The following CDKN2D variants were observed in gnomAD, a reference collection of about 807,000 sequenced individuals.
CDKN2D encodes cyclin-dependent kinase 4 inhibitor D.
In CDKN2D, 3 loss-of-function variants were observed where a neutral mutation model predicts 4.7. That is an observed-to-expected ratio of 0.64 (90% confidence interval 0.29 to 1.66). The LOEUF is 1.66. CDKN2D is among the 40% of genes most tolerant of loss of function. The probability of loss-of-function intolerance (pLI) is 0.10; values close to 1 mark genes in which losing one functional copy is unlikely to be tolerated. For missense variants in CDKN2D, 196 were observed against 230.9 expected, an observed-to-expected ratio of 0.85 and a Z score of 0.98; for synonymous variants, 91 against 102.3, an observed-to-expected ratio of 0.89 and a Z score of 0.67.
rs754553087 is a variant in CDKN2D, at chr19:10,568,667, G to T, written c.-14C>A. 2 of 1,433,900 alleles carry T rather than the reference G, an allele frequency of 1.4e-6. No individual in the cohort carries two copies. Among genetic ancestry groups the T allele is most frequent in the Non-Finnish European group, 9.1e-7 (1 of 1,094,786 alleles). The allele number at this position is 1,433,900 out of a possible 1,614,324, so 88.8% of individuals were successfully genotyped here. On this transcript the variant is annotated 5_prime_UTR_variant, in exon 1 of 2. Coordinates refer to ENST00000393599, the MANE Select transcript of CDKN2D (RefSeq NM_001800.4). The stretch of plus-strand genomic sequence containing the variant: ...CTCCAGCAGCATGTCGACACTGGCG[G>T]CCTGCAAAGCCCCCCGCCCCGCCCC...
At position 10,568,842 on chromosome 19, in the gene CDKN2D, C is replaced by T. The variant is rs535696307; in HGVS notation, c.-189G>A. ...CCTCCCGGCGGGCTCCTCCCCCTGT[C>T]AGCCGGAGGACGGCGAGGGGCTGGG... On this transcript the variant is annotated 5_prime_UTR_variant, in exon 1 of 2. Coordinates refer to ENST00000393599, the MANE Select transcript of CDKN2D (RefSeq NM_001800.4). 8.7e-5 allele frequency: 29 copies of T among 334,050 alleles called. 1 individual carries two copies. The South Asian group carries it at 3.6e-3, about 41-fold the overall frequency. 20.7% of individuals were successfully genotyped at this position (334,050 alleles called of 1,614,324 possible).
rs1916978539 is a variant in CDKN2D at position 10,568,848 on chromosome 19, G to A, written c.-195C>T. ...GGCGGGCTCCTCCCCCTGTCAGCCG[G>A]AGGACGGCGAGGGGCTGGGAGCCGG... On this transcript the variant is annotated 5_prime_UTR_variant, in exon 1 of 2. Transcript: ENST00000393599. 2 of 317,860 alleles carry A rather than the reference G, an allele frequency of 6.3e-6. No homozygotes were observed. Among genetic ancestry groups the A allele is most frequent in the Non-Finnish European group, 1.1e-5 (2 of 177,868 alleles). 19.7% of individuals were successfully genotyped at this position (317,860 alleles called of 1,614,324 possible).
rs3218218 is a variant in CDKN2D at position 10,566,725 on chromosome 19, C to T, written c.*333G>A. On this transcript the variant is annotated 3_prime_UTR_variant, in exon 2 of 2. Transcript: ENST00000393599. ...CCGGCCAAGGCCACCAGCTTCTAGG[C>T]TCCCTGGAGGTCATGACTTCACTCT... 1.2e-3 allele frequency: 409 copies of T among 331,570 alleles called. 2 individuals carry two copies. Among genetic ancestry groups the T allele is most frequent in the South Asian group, 3.4e-3 (69 of 20,390 alleles). 20.5% of individuals were successfully genotyped at this position (331,570 alleles called of 1,614,324 possible).
chr19:10,567,591 G>A (rs868581656), intron 1 of CDKN2D, among the ~76,000 whole-genome samples, 174 bp from the exon 2 acceptor site: 2 of 150,892 alleles, frequency 1.3e-5, no homozygotes, highest in Non-Finnish European at 3.0e-5. Flanking sequence ...AGTTCTTCTG[G>A]GAATAGGGAC....
rs1490244128 is a variant in CDKN2D at position 10,568,493 on chromosome 19, C to A, written c.141+20G>T. On this transcript the variant is annotated intron_variant, in intron 1 of 1. Coordinates refer to ENST00000393599, the MANE Select transcript of CDKN2D (RefSeq NM_001800.4). ...TCCCGCTTAGCCGCCCCGCCCCAAC[C>A]TGGACCGGCCCGGCCTCACCTGCAG... 2.9e-6 allele frequency: 4 copies of A among 1,360,020 alleles called. No individual in the cohort carries two copies. Among genetic ancestry groups the A allele is most frequent in the Non-Finnish European group, 3.8e-6 (4 of 1,050,814 alleles). 84.2% of individuals were successfully genotyped at this position (1,360,020 alleles called of 1,614,324 possible).
Position 10,568,839 on chromosome 19 carries a change from T to G in CDKN2D, c.-186A>C. On this transcript the variant is annotated 5_prime_UTR_variant, in exon 1 of 2. Coordinates refer to ENST00000393599, the MANE Select transcript of CDKN2D (RefSeq NM_001800.4). ...GGCCCTCCCGGCGGGCTCCTCCCCC[T>G]GTCAGCCGGAGGACGGCGAGGGGCT... The G allele has an allele frequency of 3.1e-6, 1 of 327,194 alleles. No individual in the cohort carries two copies. Among genetic ancestry groups the G allele is most frequent in the Non-Finnish European group, 5.4e-6 (1 of 186,866 alleles). The allele number at this position is 327,194 out of a possible 1,614,324, so 20.3% of individuals were successfully genotyped here. A position where few individuals can be genotyped will look rare whatever the true frequency, so the allele number is the denominator to read the frequency against.
At position 10,568,623 on chromosome 19, in the gene CDKN2D, G is replaced by A. The variant is rs1916969837; in HGVS notation, c.31C>T (p.Arg11Trp). The A allele has an allele frequency of 2.0e-6, 3 of 1,508,432 alleles. No homozygotes were observed. The highest frequency in any genetic ancestry group is 2.5e-5 in the South Asian group (2 of 81,122). 93.4% of individuals were successfully genotyped at this position (1,508,432 alleles called of 1,614,324 possible). The change falls in exon 1 of 2, where the codon CGG (arginine) becomes TGG (tryptophan). Residue 11 changes from arginine to tryptophan, a missense_variant. By Grantham distance (101) the Arg-to-Trp change is moderately radical. Transcript: ENST00000393599. MLLEEVRAGD[R>W]LSGAAARGDV... ...CCCCGGGCCGCCGCCCCACTCAGCCGGTCGCCGGCGCGAACCTCCTCCAGC... is the reference window on the plus strand; with the variant it reads ...CCCCGGGCCGCCGCCCCACTCAGCCAGTCGCCGGCGCGAACCTCCTCCAGC...
At position 10,568,530 on chromosome 19, in the gene CDKN2D, C is replaced by A; in HGVS notation, c.124G>T (p.Gly42Cys). 1 of 1,457,316 alleles carries A rather than the reference C, an allele frequency of 6.9e-7. No individual in the cohort carries two copies. Among genetic ancestry groups the A allele is most frequent in the South Asian group, 1.3e-5 (1 of 75,802 alleles). The allele number at this position is 1,457,316 out of a possible 1,614,324, so 90.3% of individuals were successfully genotyped here. ...GGCCTCACCTGCAGCGCCGTCTTGC[C>A]GAAGCGGTTGAGGGCGTCGGGATGC... is the stretch of plus-strand genomic sequence containing the variant. ...LVHPDALNRF[G>C]KTALQVMMFG... The change falls in exon 1 of 2, where the codon GGC (glycine) becomes TGC (cysteine). Residue 42 changes from glycine (G) to cysteine (C), a missense_variant. Physicochemically the swap from Gly to Cys is radical, Grantham distance 159 (BLOSUM62 -3). Coordinates refer to ENST00000393599, the MANE Select transcript of CDKN2D (RefSeq NM_001800.4).
In CDKN2D at chr19:10,567,091, G is replaced by A; in HGVS notation, c.468C>T (p.Asp156=). 1 of 1,612,838 alleles carries A rather than the reference G, an allele frequency of 6.2e-7. No homozygotes were observed. The change falls in exon 2 of 2, where the codon GAC becomes GAT. Residue 156 remains aspartate, a synonymous_variant. Coordinates refer to ENST00000393599, the MANE Select transcript of CDKN2D (RefSeq NM_001800.4). ...GGGCCACCATGTGGCCCTGCAGGAT[G>A]TCCACGAGGTCCTGAGCCCCTCTCT... ...ALQRGAQDLV[D]ILQGHMVAPL
intron 1 of CDKN2D, among the ~76,000 whole-genome samples, chr19:10,567,679 G>T (rs1204636459): frequency 8.0e-6 from 1 of 124,776 alleles, no homozygotes; most frequent in Non-Finnish European, 1.6e-5. Context: ...AACTTTCAAG[G>T]AACCTAAGAC....
Position 10,568,899 on chromosome 19 carries a change from C to A in CDKN2D, c.-246G>T. ...GCCCAACCCTCGGCCGCCCGCGGGG[C>A]CCTGCCCGGCGCCCGCCCCTTGGGG... On this transcript the variant is annotated 5_prime_UTR_variant, in exon 1 of 2. Transcript: ENST00000393599. 4.2e-6 allele frequency: 1 copy of A among 239,130 alleles called. No homozygotes were observed. Among genetic ancestry groups the A allele is most frequent in the Non-Finnish European group, 8.1e-6 (1 of 123,826 alleles). 14.8% of individuals were successfully genotyped at this position (239,130 alleles called of 1,614,324 possible).
In CDKN2D at chr19:10,566,925, C is replaced by T. The variant is rs571362273; in HGVS notation, c.*133G>A. On this transcript the variant is annotated 3_prime_UTR_variant, in exon 2 of 2. Transcript: ENST00000393599. Reference sequence around the variant, plus strand: ...AACACTCACACCCCCAAAACCAACACCTATAAGCCACAAACTGTGCTCCTC... The same window carrying T: ...AACACTCACACCCCCAAAACCAACATCTATAAGCCACAAACTGTGCTCCTC... 3 of 928,776 alleles carry T rather than the reference C, an allele frequency of 3.2e-6. No homozygotes were observed. Among genetic ancestry groups the T allele is most frequent in the East Asian group, 2.5e-5 (1 of 40,812 alleles). 57.5% of individuals were successfully genotyped at this position (928,776 alleles called of 1,614,324 possible).
chr19:10,567,607 C>G (rs1444259821), intron 1 of CDKN2D, among the ~76,000 whole-genome samples, 190 bp from the exon 2 acceptor site: 1 of 121,382 alleles, frequency 8.2e-6, no homozygotes, highest in Non-Finnish European at 1.7e-5. Context: ...GGGACCCCCC[C>G]CAAAAGCTGG....
At chr19:10,568,336 GC>G (rs1313493646) in intron 1 of CDKN2D, among the ~76,000 whole-genome samples, 176 bp downstream of exon 1, 2 of 152,136 alleles carry the variant, frequency 1.3e-5, no homozygotes, top group Non-Finnish European at 2.9e-5. Context: ...CCACAACCTA[GC>G]CTCACCCACC....
At position 10,568,758 on chromosome 19, in the gene CDKN2D, C is replaced by T; in HGVS notation, c.-105G>A. ...CCCGAACAGCCCTCCCGGGGCGCGGCCGCGGTGCACCCGGCTGCGCTGCTC... is the reference window on the plus strand; with the variant it reads ...CCCGAACAGCCCTCCCGGGGCGCGGTCGCGGTGCACCCGGCTGCGCTGCTC... On this transcript the variant is annotated 5_prime_UTR_variant, in exon 1 of 2. Transcript: ENST00000393599. 1 of 730,136 alleles carries T rather than the reference C, an allele frequency of 1.4e-6. No homozygotes were observed. The highest frequency in any genetic ancestry group is 1.9e-6 in the Non-Finnish European group (1 of 538,096). 45.2% of individuals were successfully genotyped at this position (730,136 alleles called of 1,614,324 possible).
In CDKN2D at chr19:10,567,082, C is replaced by T; in HGVS notation, c.477G>A (p.Gln159=). 1.2e-6 allele frequency: 2 copies of T among 1,612,032 alleles called. No homozygotes were observed. Among genetic ancestry groups the T allele is most frequent in the Non-Finnish European group, 1.7e-6 (2 of 1,179,502 alleles). ...RGAQDLVDIL[Q]GHMVAPL ...ATCACAGCGGGGCCACCATGTGGCC[C>T]TGCAGGATGTCCACGAGGTCCTGAG... Residue 159 remains glutamine, a synonymous_variant, in exon 2 of 2, where the codon CAG becomes CAA. Coordinates refer to ENST00000393599, the MANE Select transcript of CDKN2D (RefSeq NM_001800.4).
At position 10,568,556 on chromosome 19, in the gene CDKN2D, A is replaced by G; in HGVS notation, c.98T>C (p.Val33Ala). The change falls in exon 1 of 2, where the codon GTG (valine) becomes GCG (alanine). Residue 33 changes from valine to alanine, a missense_variant. Transcript: ENST00000393599. ...EVRRLLHREL[V>A]HPDALNRFGK... ...GAAGCGGTTGAGGGCGTCGGGATGC[A>G]CCAGCTCCCGGTGCAGAAGGCGGCG... 6.7e-7 allele frequency: 1 copy of G among 1,500,318 alleles called. No individual in the cohort carries two copies. Among genetic ancestry groups the G allele is most frequent in the East Asian group, 2.7e-5 (1 of 36,682 alleles). 92.9% of individuals were successfully genotyped at this position (1,500,318 alleles called of 1,614,324 possible). A position where few individuals can be genotyped will look rare whatever the true frequency, so the allele number is the denominator to read the frequency against.
At chr19:10,567,438 C>G (rs1360115733) in intron 1 of CDKN2D, 21 bp from the exon 2 acceptor site, 5 of 1,598,720 alleles carry the variant, frequency 3.1e-6, no homozygotes, top group Non-Finnish European at 2.6e-6. Context: ...GACAGAGGAT[C>G]AGGAGGTCCT....
rs1339381719 is a variant in CDKN2D at position 10,566,891 on chromosome 19, C to CT, written c.*166_*167insA. The stretch of plus-strand genomic sequence containing the variant: ...AGGAGTGAGAAAAACAAATGAGAAA[C>CT]GTCCCCCAAACACTCACACCCCCAA... On this transcript the variant is annotated 3_prime_UTR_variant, in exon 2 of 2. Coordinates refer to ENST00000393599, the MANE Select transcript of CDKN2D (RefSeq NM_001800.4). 1.5e-6 allele frequency: 1 copy of CT among 650,152 alleles called. No homozygotes were observed. The highest frequency in any genetic ancestry group is 2.6e-6 in the Non-Finnish European group (1 of 382,766). The allele number at this position is 650,152 out of a possible 1,614,324, so 40.3% of individuals were successfully genotyped here. A position where few individuals can be genotyped will look rare whatever the true frequency, so the allele number is the denominator to read the frequency against.
Sources: gnomAD v4.1 joint callset for allele counts (sites outside exome capture counted in the v4.1 genomes callset) on GRCh38, gnomAD v4.1.1 for gene constraint, MANE v1.5 for transcripts, NCBI Gene and HGNC (gene_info 2026-07-23, HGNC 2026-07-21) for gene names.